The following VRK3 variants were observed in gnomAD, a reference collection of about 807,000 sequenced individuals.
The protein encoded by VRK3 is VRK serine/threonine kinase 3.
A neutral mutation model predicts 60.4 loss-of-function variants in VRK3; 50 were observed. The observed-to-expected ratio is 0.83, with a 90% CI of 0.66 to 1.05. The LOEUF (loss-of-function observed/expected upper bound fraction) is 1.05. Among genes scored for constraint, VRK3 ranks in the 50% least tolerant of loss-of-function variants. The pLI, the probability that VRK3 is intolerant of heterozygous loss-of-function variation, is 0.00. For missense variants in VRK3, 549 were observed against 585.3 expected, an observed-to-expected ratio of 0.94 and a Z score of 0.64; for synonymous variants, 246 against 227.8, an observed-to-expected ratio of 1.08 and a Z score of -0.72.
intron 6 of VRK3, chr19:49,997,779 T>C (rs182978140): frequency 9.3e-5 from 49 of 529,266 alleles, no homozygotes; most frequent in Admixed American, 5.6e-4. Flanking sequence ...CTTTCTCTTA[T>C]GGTAAGAGCC....
intron 5 of VRK3, 43 bp downstream of exon 5, chr19:50,007,526 G>T (rs1186996196): frequency 6.2e-7 from 1 of 1,608,028 alleles, no homozygotes; most frequent in Admixed American, 1.7e-5. Flanking sequence ...CTGTCCTGGT[G>T]CTGAGACGAC....
chr19:49,994,265 C>T (rs560357191), intron 9 of VRK3, among the ~76,000 whole-genome samples: 1 of 152,260 alleles, frequency 6.6e-6, no homozygotes, highest in East Asian at 1.9e-4. Flanking sequence ...ACTATTGGCC[C>T]CTCCCACTAG....
intron 12 of VRK3, among the ~76,000 whole-genome samples, chr19:49,983,057 G>C (rs16981625): frequency 0.052 from 7,922 of 151,874 alleles, 685 homozygotes; most frequent in African/African-American, 0.18. Flanking sequence ...TCAACTCCTT[G>C]CTGGCCTCCT....
intron 13 of VRK3, 111 bp from the exon 14 acceptor site, chr19:49,979,353 G>C: frequency 1.3e-6 from 2 of 1,484,600 alleles, no homozygotes; most frequent in Non-Finnish European, 1.8e-6. Flanking sequence ...GGGCATGAGG[G>C]TCTCAGCAAA....
chr19:50,009,561 C>A (rs565927553), intron 3 of VRK3, among the ~76,000 whole-genome samples, 176 bp from the exon 4 acceptor site: 2 of 152,308 alleles, frequency 1.3e-5, no homozygotes, highest in East Asian at 3.9e-4. Context: ...TAGTTGTTCT[C>A]TCCTTCTTAG....
At chr19:50,019,513 CTTTT>C (rs776345117) in intron 2 of VRK3, among the ~76,000 whole-genome samples, 6 of 151,520 alleles carry the variant, frequency 4.0e-5, no homozygotes, top group Non-Finnish European at 8.8e-5. Context: ...CTGTACACTT[CTTTT>C]TTATTTTTTA....
intron 6 of VRK3, chr19:49,999,036 T>C (rs2076753858): frequency 7.0e-6 from 1 of 143,204 alleles, no homozygotes; most frequent in Non-Finnish European, 1.5e-5. Flanking sequence ...AGTGGAAGGA[T>C]CACTTGAACC....
intron 5 of VRK3, among the ~76,000 whole-genome samples, chr19:50,002,234 G>C (rs1409794148): frequency 1.3e-5 from 2 of 152,132 alleles, no homozygotes; most frequent in East Asian, 3.9e-4. Flanking sequence ...GCTGAGGGAT[G>C]GGGGGTGACA....
intron 5 of VRK3, among the ~76,000 whole-genome samples, chr19:50,002,282 C>T (rs1281779942): frequency 6.7e-6 from 1 of 150,006 alleles, no homozygotes; most frequent in Non-Finnish European, 1.5e-5. Flanking sequence ...CAAGAAGCTC[C>T]AGCTGGAACA....
At chr19:49,989,817 A>G in intron 10 of VRK3, 46 bp from the exon 11 acceptor site, 2 of 1,523,356 alleles carry the variant, frequency 1.3e-6, no homozygotes, top group Non-Finnish European at 1.8e-6. Context: ...TTAGGAGCGT[A>G]GAAGTCAGAG....
intron 14 of VRK3, among the ~76,000 whole-genome samples, chr19:49,978,262 A>G (rs1423949971): frequency 6.6e-6 from 1 of 152,180 alleles, no homozygotes. Context: ...AATCAGACAA[A>G]GCACTGAGCT....
Position 50,007,725 on chromosome 19 carries a change from G to A in VRK3, c.391C>T (p.Gln131Ter). ...GTCTGAGGGCTCTGCCTGGTCTTCT[G>A]AGGGCTACAGCTGGTCTTCTGAGGG... ...GSPQKTSCSP[Q>*]KTRQSPQTLK... The change falls in exon 5 of 15, where the codon CAG (glutamine) becomes TAG (stop). Residue 131 changes from glutamine to a stop codon, truncating the protein, a stop_gained. Coordinates refer to ENST00000316763, the MANE Select transcript of VRK3 (RefSeq NM_016440.4). LOFTEE classifies it high-confidence loss of function. The A allele has an allele frequency of 1.3e-6, 2 of 1,583,206 alleles. No homozygotes were observed. The highest frequency in any genetic ancestry group is 1.7e-6 in the Non-Finnish European group (2 of 1,177,944).
intron 1 of VRK3, 125 bp downstream of exon 1, chr19:50,025,142 T>C (rs2077247580): frequency 6.6e-6 from 1 of 152,310 alleles, no homozygotes; most frequent in African/African-American, 2.4e-5. Flanking sequence ...GCCGCTCTCA[T>C]TCCGAACCCC....
At chr19:50,003,645 C>T (rs1180111913) in intron 5 of VRK3, among the ~76,000 whole-genome samples, 2 of 152,198 alleles carry the variant, frequency 1.3e-5, no homozygotes, top group Non-Finnish European at 2.9e-5. Context: ...GTCCACTGCT[C>T]GAATAACCAT....
chr19:49,991,875 C>T (rs1279608319), intron 10 of VRK3, among the ~76,000 whole-genome samples: 2 of 152,216 alleles, frequency 1.3e-5, no homozygotes, highest in Non-Finnish European at 2.9e-5. Flanking sequence ...ATACATTGCA[C>T]ACAGTCCCTT....
rs1055777430 is a variant in VRK3, at chr19:49,994,851, A to G, written c.833T>C (p.Leu278Pro). ...SALDVSPKHV[L>P]SERSVLQVAC... ...CACCTGCAGCACAGACCTCTCTGAC[A>G]GCACATGCTTTGGGCTGACATCCAG... is the stretch of plus-strand genomic sequence containing the variant. Residue 278 changes from leucine (L) to proline (P), a missense_variant, in exon 9 of 15, where the codon CTG becomes CCG. Physicochemically the swap from Leu to Pro is moderately conservative, Grantham distance 98 (BLOSUM62 -3). Transcript: ENST00000316763. The G allele has an allele frequency of 1.2e-6, 2 of 1,614,180 alleles. No homozygotes were observed. The highest frequency in any genetic ancestry group is 1.7e-6 in the Non-Finnish European group (2 of 1,180,026).
chr19:50,012,790 G>A lies in VRK3; in HGVS notation c.139+3234C>T, dbSNP rs749402776. 3.3e-5 allele frequency among the ~76,000 whole-genome samples: 5 copies of A among 152,062 alleles called. No individual in the cohort carries two copies. In the East Asian group the frequency reaches 7.7e-4, roughly 23 times the overall value. ...CTACGGAGGCTGAGGCAGGAAAATC[G>A]CTTGAACCTGGGAGGCAGAGGTTGC... On this transcript the variant is annotated intron_variant, in intron 3 of 14. Coordinates refer to ENST00000316763, the MANE Select transcript of VRK3 (RefSeq NM_016440.4).
chr19:50,001,266 A>G lies in VRK3; in HGVS notation c.548-412T>C, dbSNP rs531129725. The G allele has an allele frequency of 1.7e-5, 3 of 171,866 alleles. No individual in the cohort carries two copies. The East Asian group carries it at 5.3e-4, about 30-fold the overall frequency. The allele number at this position is 171,866 out of a possible 1,614,324, so 10.6% of individuals were successfully genotyped here. A position where few individuals can be genotyped will look rare whatever the true frequency, so the allele number is the denominator to read the frequency against. On this transcript the variant is annotated intron_variant, in intron 5 of 14. Transcript: ENST00000316763. ...GTCAGACAGAGGGGGCCACATGACT[A>G]CTCCCCAATAACAGCCCCGAGCACT... is the stretch of plus-strand genomic sequence containing the variant.
chr19:50,004,695 C>G (rs963334189), intron 5 of VRK3, among the ~76,000 whole-genome samples: 2 of 152,010 alleles, frequency 1.3e-5, no homozygotes, highest in African/African-American at 4.8e-5. Context: ...ATCGCTTGAG[C>G]CCAGGAGTTT....
Sources: gnomAD v4.1 joint callset for allele counts (sites outside exome capture counted in the v4.1 genomes callset) on GRCh38, gnomAD v4.1.1 for gene constraint, MANE v1.5 for transcripts, NCBI Gene and HGNC (gene_info 2026-07-23, HGNC 2026-07-21) for gene names.